The following RBFOX2 variants were observed in gnomAD, a reference collection of about 807,000 sequenced individuals.
RBFOX2 encodes the protein RNA binding protein fox-1 homolog 2.
In RBFOX2, 10 loss-of-function variants were observed where a neutral mutation model predicts 49.1. That is an observed-to-expected ratio of 0.20 (90% CI 0.13 to 0.35). The LOEUF is 0.35. RBFOX2 is among the 10% of genes least tolerant of loss of function. The probability of loss-of-function intolerance (pLI) is 1.00; values close to 1 mark genes in which losing one functional copy is unlikely to be tolerated. For missense variants in RBFOX2, 323 were observed against 486.9 expected, an observed-to-expected ratio of 0.66 and a Z score of 3.17; for synonymous variants, 183 against 187.4, an observed-to-expected ratio of 0.98 and a Z score of 0.19.
At chr22:35,946,618 C>T (rs1181745474) in intron 1 of RBFOX2, among the ~76,000 whole-genome samples, 1 of 152,170 alleles carries the variant, frequency 6.6e-6, no homozygotes, top group Non-Finnish European at 1.5e-5. Flanking sequence ...GGAATAAATC[C>T]TACAAAGTAG....
At chr22:35,868,074 T>C (rs927291323) in intron 1 of RBFOX2, among the ~76,000 whole-genome samples, 2 of 151,512 alleles carry the variant, frequency 1.3e-5, no homozygotes, top group African/African-American at 4.9e-5. Flanking sequence ...TAGCTGGGTG[T>C]GGTGGTGTGA....
chr22:35,781,860 G>T, intron 2 of RBFOX2, 114 bp from the exon 4 acceptor site: 1 of 1,261,216 alleles, frequency 7.9e-7, no homozygotes, highest in Non-Finnish European at 1.1e-6. Context: ...AATCACAGTA[G>T]TCCCTTCAAA....
chr22:35,883,779 C>A (rs2046228697), intron 1 of RBFOX2, among the ~76,000 whole-genome samples: 1 of 152,140 alleles, frequency 6.6e-6, no homozygotes, highest in Non-Finnish European at 1.5e-5. Context: ...TGTTGCTAAA[C>A]TTTCTACCAC....
intron 1 of RBFOX2, among the ~76,000 whole-genome samples, chr22:36,009,562 G>GT (rs1221827910): frequency 1.3e-5 from 2 of 150,880 alleles, no homozygotes; most frequent in South Asian, 2.2e-4. Context: ...TTTGTTTTTT[G>GT]TTTTTTTGTA....
At chr22:35,899,610 T>C (rs1355658446) in intron 1 of RBFOX2, among the ~76,000 whole-genome samples, 1 of 148,586 alleles carries the variant, frequency 6.7e-6, no homozygotes, top group African/African-American at 2.5e-5. Context: ...AACAAAGTGG[T>C]AGGAGAAGAA....
At chr22:35,934,435 T>A (rs1368750604) in intron 1 of RBFOX2, among the ~76,000 whole-genome samples, 2 of 152,186 alleles carry the variant, frequency 1.3e-5, no homozygotes, top group African/African-American at 4.8e-5. Context: ...ACTGTATTTC[T>A]TCAATTAGAG....
At chr22:35,869,146 A>G (rs1330931500) in intron 1 of RBFOX2, among the ~76,000 whole-genome samples, 1 of 152,070 alleles carries the variant, frequency 6.6e-6, no homozygotes, top group Non-Finnish European at 1.5e-5. Flanking sequence ...TCCAGCTCCA[A>G]CACATTCCAA....
intron 1 of RBFOX2, among the ~76,000 whole-genome samples, chr22:35,870,842 T>C (rs1310102207): frequency 6.6e-6 from 1 of 152,204 alleles, no homozygotes; most frequent in Non-Finnish European, 1.5e-5. Context: ...ATTTGTCCAT[T>C]GAGAAACATG....
In RBFOX2 at chr22:35,839,691, C is replaced by T. The variant is rs568870984; in HGVS notation, c.27+501G>A. Among the ~76,000 whole-genome samples, 11 of 152,286 alleles carry T rather than the reference C, an allele frequency of 7.2e-5. No homozygotes were observed. The East Asian group carries it at 1.9e-3, about 27-fold the overall frequency. ...ATGAAAATGAAACATTCTTTTCTAA[C>T]CTTCATTTTTAATAAGCAGTTTAGA... On this transcript the variant is annotated intron_variant, in intron 1 of 11. Transcript: ENST00000405409.
intron 1 of RBFOX2, among the ~76,000 whole-genome samples, chr22:35,950,119 T>C: frequency 6.6e-6 from 1 of 151,806 alleles, no homozygotes; most frequent in African/African-American, 2.4e-5. Flanking sequence ...ATTTTTTTTT[T>C]TTTTTTTTGC....
intron 1 of RBFOX2, among the ~76,000 whole-genome samples, chr22:35,903,462 T>C (rs2149464495): frequency 6.6e-6 from 1 of 152,318 alleles, no homozygotes; most frequent in East Asian, 1.9e-4. Context: ...GGTTCAATCC[T>C]GAGTCATCTT....
At chr22:35,894,420 AATATCT>A (rs1257154191) in intron 1 of RBFOX2, among the ~76,000 whole-genome samples, 3 of 152,156 alleles carry the variant, frequency 2.0e-5, no homozygotes, top group Non-Finnish European at 4.4e-5. Flanking sequence ...ATTGGCTCTC[AATATCT>A]AAAGACATGG....
At chr22:35,750,538 C>A (rs184182372) in intron 9 of RBFOX2, 8 of 1,069,076 alleles carry the variant, frequency 7.5e-6, no homozygotes, top group Non-Finnish European at 1.1e-5. Context: ...CACACACGGA[C>A]GGCTTTTTGG....
At chr22:35,995,453 G>C (rs1328584849) in intron 1 of RBFOX2, 1 of 152,164 alleles carries the variant, frequency 6.6e-6, no homozygotes, top group Non-Finnish European at 1.5e-5. Flanking sequence ...AGCCTGCCGG[G>C]AGACAGTGAT....
At chr22:35,811,325 C>T (rs1951825610) in intron 1 of RBFOX2, among the ~76,000 whole-genome samples, 1 of 152,056 alleles carries the variant, frequency 6.6e-6, no homozygotes, top group Admixed American at 6.5e-5. Flanking sequence ...AAGATAAGGT[C>T]TTTAAAAAGG....
chr22:36,025,290 CCT>C (rs2059390719), intron 1 of RBFOX2, among the ~76,000 whole-genome samples: 1 of 152,158 alleles, frequency 6.6e-6, no homozygotes, highest in African/African-American at 2.4e-5. Context: ...CTACCTGAAC[CCT>C]CTTTCCGAAA....
intron 9 of RBFOX2, 152 bp from the exon 12 acceptor site, chr22:35,746,713 G>C (rs1375987104): frequency 7.2e-6 from 3 of 418,252 alleles, no homozygotes; most frequent in African/African-American, 2.0e-5. Context: ...GTTTCAAACT[G>C]CATCAGTCTG....
chr22:35,867,273 T>C (rs907871334), intron 1 of RBFOX2, among the ~76,000 whole-genome samples: 1 of 152,210 alleles, frequency 6.6e-6, no homozygotes, highest in Admixed American at 6.5e-5. Flanking sequence ...AACATTTGCA[T>C]GAATCTACAA....
At chr22:35,865,313 G>A (rs2043546185) in intron 1 of RBFOX2, among the ~76,000 whole-genome samples, 1 of 152,050 alleles carries the variant, frequency 6.6e-6, no homozygotes, top group South Asian at 2.1e-4. Context: ...CCATATAACA[G>A]GATTAAATCA....
Sources: allele counts gnomAD v4.1 joint callset (sites outside exome capture counted in the v4.1 genomes callset), GRCh38; gene constraint gnomAD v4.1.1; transcripts MANE v1.5; gene names NCBI Gene and HGNC (gene_info 2026-07-23, HGNC 2026-07-21).